TECRL: variants seen among roughly 807,000 people sequenced by gnomAD.
TECRL encodes the protein trans-2,3-enoyl-CoA reductase-like.
In TECRL, 63 loss-of-function variants were observed where a neutral mutation model predicts 52.8. That is an observed-to-expected ratio of 1.19 (90% CI 0.97 to 1.47). TECRL has a LOEUF of 1.47. Among genes scored for constraint, TECRL ranks in the 40% most tolerant of loss-of-function variants. The pLI, the probability that TECRL is intolerant of heterozygous loss-of-function variation, is 0.00. For synonymous variants in TECRL, 164 were observed against 141.9 expected (o/e 1.16, Z -1.10); for missense variants, 482 against 429.6 (o/e 1.12, Z -1.08).
chr4:64,322,635 A>G (rs540640369), intron 4 of TECRL, 54 bp downstream of exon 4: 1 of 1,285,128 alleles, frequency 7.8e-7, no homozygotes, highest in Admixed American at 2.2e-5. Context: ...CTGTCAATAA[A>G]TTATTTAGAG....
chr4:64,383,728 T>A (rs1422592314), intron 1 of TECRL, among the ~76,000 whole-genome samples: 1 of 152,136 alleles, frequency 6.6e-6, no homozygotes, highest in Non-Finnish European at 1.5e-5. Context: ...TTTTTAGGGA[T>A]TTCATAGATT....
At chr4:64,349,134 CG>C (rs1560519215) in intron 2 of TECRL, among the ~76,000 whole-genome samples, 20 of 138,060 alleles carry the variant, frequency 1.4e-4, no homozygotes, top group Admixed American at 2.2e-4. Flanking sequence ...TTATAAAAAA[CG>C]TTTTTTTTTT....
At chr4:64,383,271 G>A (rs1011424155) in intron 1 of TECRL, among the ~76,000 whole-genome samples, 5 of 151,846 alleles carry the variant, frequency 3.3e-5, no homozygotes, top group Non-Finnish European at 7.4e-5. Flanking sequence ...GGATATATTT[G>A]GGCATCTTTA....
chr4:64,295,202 A>C (rs1186491866), intron 8 of TECRL, among the ~76,000 whole-genome samples: 13 of 151,546 alleles, frequency 8.6e-5, no homozygotes, highest in Admixed American at 7.2e-4. Flanking sequence ...GTACTAACCA[A>C]TATATTTTCA....
intron 4 of TECRL, among the ~76,000 whole-genome samples, chr4:64,316,265 C>A (rs1009438574): frequency 1.3e-5 from 2 of 151,910 alleles, no homozygotes; most frequent in Admixed American, 1.3e-4. Context: ...GAAGTTTCTT[C>A]GCATGAGAGG....
intron 9 of TECRL, among the ~76,000 whole-genome samples, chr4:64,282,926 T>G (rs1474133923): frequency 6.6e-6 from 1 of 152,014 alleles, no homozygotes; most frequent in Non-Finnish European, 1.5e-5. Flanking sequence ...TAAATTAAAG[T>G]CAGGAGGTTT....
chr4:64,373,405 A>AG (rs1560537940), intron 2 of TECRL, among the ~76,000 whole-genome samples: 1 of 151,840 alleles, frequency 6.6e-6, no homozygotes, highest in Non-Finnish European at 1.5e-5. Flanking sequence ...CTTTTGCAAC[A>AG]GGACATTTCT....
intron 1 of TECRL, among the ~76,000 whole-genome samples, chr4:64,377,539 AC>A (rs1722488573): frequency 6.6e-6 from 1 of 152,034 alleles, no homozygotes; most frequent in African/African-American, 2.4e-5. Flanking sequence ...GTTATCTGAA[AC>A]CCTACATTTG....
chr4:64,398,615 G>A (rs190773076), intron 1 of TECRL, among the ~76,000 whole-genome samples: 1 of 152,242 alleles, frequency 6.6e-6, no homozygotes, highest in African/African-American at 2.4e-5. Context: ...AGAACTATGG[G>A]ACAATTAAAC....
chr4:64,404,694 C>A (rs529853747), intron 1 of TECRL, among the ~76,000 whole-genome samples: 15 of 152,044 alleles, frequency 9.9e-5, no homozygotes, highest in African/African-American at 3.1e-4. Flanking sequence ...TACACTAACA[C>A]AAAGTTAAAT....
Position 64,305,231 on chromosome 4 carries a change from G to T in TECRL, c.665C>A (p.Ala222Asp). Residue 222 changes from alanine (A) to aspartate (D), a missense_variant, in exon 7 of 12, where the codon GCC becomes GAC. By Grantham distance (126) the Ala-to-Asp change is moderately radical (BLOSUM62 -2). Transcript: ENST00000381210. The stretch of plus-strand genomic sequence containing the variant: ...CCAAGAAGTAAATCCCCAGTAAAAG[G>T]CACAACTCTGCAAACAAAACAAAAC... ...TPLKNLIMSC[A>D]FYWGFTSWIA... 1 of 1,612,382 alleles carries T rather than the reference G, an allele frequency of 6.2e-7. No homozygotes were observed. The highest frequency in any genetic ancestry group is 2.2e-5 in the East Asian group (1 of 44,700).
intron 1 of TECRL, chr4:64,397,858 C>A (rs1338251907): frequency 6.6e-6 from 1 of 151,382 alleles, no homozygotes; most frequent in Non-Finnish European, 1.5e-5. Context: ...GACTTAAACA[C>A]AGGGTTGATA....
intron 1 of TECRL, among the ~76,000 whole-genome samples, chr4:64,388,683 T>C (rs2109738372): frequency 6.6e-6 from 1 of 152,062 alleles, no homozygotes. Flanking sequence ...TATATTTAGT[T>C]CTTTAGTTTC....
intron 3 of TECRL, among the ~76,000 whole-genome samples, chr4:64,326,385 C>T (rs1718261822): frequency 6.6e-6 from 1 of 152,008 alleles, no homozygotes; most frequent in African/African-American, 2.4e-5. Context: ...TGCTGAAATT[C>T]TTCCCCATAT....
At chr4:64,338,133 C>G (rs2110066566) in intron 2 of TECRL, among the ~76,000 whole-genome samples, 1 of 152,226 alleles carries the variant, frequency 6.6e-6, no homozygotes, top group Non-Finnish European at 1.5e-5. Context: ...TACCACACAT[C>G]TACAACTATC....
intron 3 of TECRL, among the ~76,000 whole-genome samples, chr4:64,326,391 C>T (rs1346784261): frequency 2.6e-5 from 4 of 152,080 alleles, no homozygotes; most frequent in African/African-American, 7.2e-5. Flanking sequence ...AATTCTTCCC[C>T]ATATGCACAC....
intron 2 of TECRL, among the ~76,000 whole-genome samples, chr4:64,368,941 T>C (rs1721802519): frequency 6.6e-6 from 1 of 152,188 alleles, no homozygotes; most frequent in Non-Finnish European, 1.5e-5. Context: ...ATTCCAACTG[T>C]CACAATAAAT....
At chr4:64,289,677 C>T in intron 9 of TECRL, 33 bp downstream of exon 9, 1 of 1,421,956 alleles carries the variant, frequency 7.0e-7, no homozygotes, top group African/African-American at 1.5e-5. Flanking sequence ...ACATAATTCA[C>T]TCTAAAGAAA....
At chr4:64,301,018 T>A (rs1371795030) in intron 7 of TECRL, among the ~76,000 whole-genome samples, 1 of 150,952 alleles carries the variant, frequency 6.6e-6, no homozygotes, top group Non-Finnish European at 1.5e-5. Context: ...ATATTTTAGT[T>A]AAAGGTTACA....
Sources: gnomAD v4.1 joint callset for allele counts (sites outside exome capture counted in the v4.1 genomes callset) on GRCh38, gnomAD v4.1.1 for gene constraint, MANE v1.5 for transcripts, NCBI Gene and HGNC (gene_info 2026-07-23, HGNC 2026-07-21) for gene names.